The following SORCS1 variants were observed in gnomAD, a reference collection of about 807,000 sequenced individuals.
SORCS1 encodes VPS10 domain-containing receptor SorCS1.
A neutral mutation model predicts 146.1 loss-of-function variants in SORCS1; 60 were observed. The observed-to-expected ratio is 0.41, with a 90% CI of 0.33 to 0.51. The LOEUF is 0.51. Ranked by LOEUF, SORCS1 falls within the 20% of genes least tolerant of loss-of-function variation. The probability of loss-of-function intolerance (pLI) is 0.21; values close to 1 mark genes in which losing one functional copy is unlikely to be tolerated. For missense variants in SORCS1, 1,352 were observed against 1,487.6 expected, an observed-to-expected ratio of 0.91 and a Z score of 1.50; for synonymous variants, 637 against 584.0, an observed-to-expected ratio of 1.09 and a Z score of -1.31.
chr10:106,742,797 C>T (rs1857453098), intron 5 of SORCS1, among the ~76,000 whole-genome samples: 1 of 152,156 alleles, frequency 6.6e-6, no homozygotes, highest in Non-Finnish European at 1.5e-5. Flanking sequence ...ATCATGTTGT[C>T]ACTCAAAAAG....
chr10:106,983,076 TAC>T (rs1177354717), intron 1 of SORCS1, among the ~76,000 whole-genome samples: 1 of 150,294 alleles, frequency 6.7e-6, no homozygotes, highest in African/African-American at 2.4e-5. Flanking sequence ...GGCATCAATA[TAC>T]AGTTTATTTC....
intron 5 of SORCS1, among the ~76,000 whole-genome samples, chr10:106,746,961 C>T (rs2136148803): frequency 6.6e-6 from 1 of 152,322 alleles, no homozygotes; most frequent in South Asian, 2.1e-4. Context: ...GAAGCTATCC[C>T]AAGTGCATAA....
At chr10:106,789,897 G>A (rs1479174140) in intron 3 of SORCS1, among the ~76,000 whole-genome samples, 1 of 152,234 alleles carries the variant, frequency 6.6e-6, no homozygotes, top group African/African-American at 2.4e-5. Context: ...GGAGGCCACA[G>A]GAAACTGACA....
At chr10:106,948,411 G>A (rs1008166917) in intron 2 of SORCS1, among the ~76,000 whole-genome samples, 4 of 152,064 alleles carry the variant, frequency 2.6e-5, no homozygotes, top group Non-Finnish European at 4.4e-5. Context: ...AGTGGCTCAC[G>A]TCTGTAATCC....
At chr10:107,032,580 G>A (rs1049027752) in intron 1 of SORCS1, among the ~76,000 whole-genome samples, 1 of 152,142 alleles carries the variant, frequency 6.6e-6, no homozygotes, top group African/African-American at 2.4e-5. Context: ...CAATGAGTTA[G>A]AAGAGCTGAG....
At chr10:106,590,322 G>C (rs927384895) in intron 24 of SORCS1, among the ~76,000 whole-genome samples, 1 of 151,990 alleles carries the variant, frequency 6.6e-6, no homozygotes, top group Non-Finnish European at 1.5e-5. Context: ...ACTAGTATTT[G>C]TGCCTCAGGT....
At chr10:106,892,920 G>A (rs1951292729) in intron 2 of SORCS1, among the ~76,000 whole-genome samples, 1 of 142,246 alleles carries the variant, frequency 7.0e-6, no homozygotes, top group African/African-American at 2.8e-5. Context: ...TTGAGATAGA[G>A]TTTTGCTTTT....
chr10:107,109,188 G>A (rs1965509442), intron 1 of SORCS1, among the ~76,000 whole-genome samples: 1 of 152,180 alleles, frequency 6.6e-6, no homozygotes, highest in Admixed American at 6.5e-5. Context: ...CCTTCTCACA[G>A]ATCCACTAGG....
At chr10:106,840,857 ATATATAT>A (rs1948999034) in intron 2 of SORCS1, among the ~76,000 whole-genome samples, 1 of 106,770 alleles carries the variant, frequency 9.4e-6, no homozygotes, top group South Asian at 3.6e-4. Flanking sequence ...ATATATATAT[ATATATAT>A]TTTTTTTTTT....
chr10:106,611,842 T>A, intron 22 of SORCS1, 69 bp downstream of exon 22: 2 of 1,217,324 alleles, frequency 1.6e-6, no homozygotes, highest in Non-Finnish European at 2.4e-6. Flanking sequence ...AAAGCTCCCC[T>A]TTCTGTGAAA....
rs959022396 is a variant in SORCS1 at position 106,912,121 on chromosome 10, A to AAAAC, written c.626+44388_626+44391dup. ...GATTGAGCCTCCGTCTCAAAAAAAA[A>AAAAC]AAACAAACAAACAAACAAACAAAAA... On this transcript the variant is annotated intron_variant, in intron 2 of 25. Coordinates refer to ENST00000263054, the MANE Select transcript of SORCS1 (RefSeq NM_052918.5). Among the ~76,000 whole-genome samples the AAAAC allele has an allele frequency of 7.2e-4, 107 of 149,104 alleles. 2 individuals are homozygous for AAAAC. Among genetic ancestry groups the AAAAC allele is most frequent in the African/African-American group, 2.4e-3 (98 of 40,388 alleles).
At chr10:107,170,729 C>G in the SORCS1 span, among the ~76,000 whole-genome samples, 1 of 152,196 alleles carries the variant, frequency 6.6e-6, no homozygotes, top group Non-Finnish European at 1.5e-5. Context: ...TCCCATTTCT[C>G]TGTTTGATCT....
At chr10:106,695,311 C>G (rs1291948798) in intron 9 of SORCS1, among the ~76,000 whole-genome samples, 1 of 152,154 alleles carries the variant, frequency 6.6e-6, no homozygotes, top group Non-Finnish European at 1.5e-5. Context: ...GACTTTTCCC[C>G]AGATCATTTT....
chr10:107,166,191 T>G (rs941510975), upstream of SORCS1, among the ~76,000 whole-genome samples: 3 of 152,216 alleles, frequency 2.0e-5, no homozygotes, highest in African/African-American at 7.2e-5. Context: ...TCTAGTTACA[T>G]TTTTGTTCAT....
intron 1 of SORCS1, among the ~76,000 whole-genome samples, chr10:107,047,277 C>T (rs938478626): frequency 6.6e-6 from 1 of 152,162 alleles, no homozygotes; most frequent in African/African-American, 2.4e-5. Context: ...GCATGAGCCA[C>T]CATGCCCAGC....
At chr10:107,150,735 TGTGATA>T (rs1416362486) in intron 1 of SORCS1, among the ~76,000 whole-genome samples, 1 of 152,204 alleles carries the variant, frequency 6.6e-6, no homozygotes, top group African/African-American at 2.4e-5. Flanking sequence ...ATGCTGTTCT[TGTGATA>T]GTGAGTTCTC....
At chr10:107,035,621 G>A (rs1958875202) in intron 1 of SORCS1, among the ~76,000 whole-genome samples, 1 of 152,152 alleles carries the variant, frequency 6.6e-6, no homozygotes, top group Non-Finnish European at 1.5e-5. Context: ...CTCACTAACT[G>A]ATTGCAAACA....
intron 19 of SORCS1, among the ~76,000 whole-genome samples, chr10:106,628,027 C>T (rs780894059): frequency 5.9e-4 from 90 of 152,282 alleles, no homozygotes; most frequent in Non-Finnish European, 1.1e-3. Flanking sequence ...ATATTAAGAG[C>T]CTGTTTAGCA....
In SORCS1 at chr10:106,857,565, C is replaced by T. The variant is rs80238630; in HGVS notation, c.627-27892G>A. 1.8e-3 allele frequency among the ~76,000 whole-genome samples: 268 copies of T among 152,282 alleles called. 1 individual carries two copies. The highest frequency in any genetic ancestry group is 5.5e-3 in the African/African-American group (230 of 41,570). On this transcript the variant is annotated intron_variant, in intron 2 of 25. Transcript: ENST00000263054. ...GCATTTGGTGGCATAAAAATAGCTC[C>T]GAAAGCCAAGGGCGCATTGGGTGCA...
Sources: gnomAD v4.1 joint callset for allele counts (sites outside exome capture counted in the v4.1 genomes callset) on GRCh38, gnomAD v4.1.1 for gene constraint, MANE v1.5 for transcripts, NCBI Gene and HGNC (gene_info 2026-07-23, HGNC 2026-07-21) for gene names.